Variants in RCAN2 observed in about 807,000 individuals in gnomAD.
The protein encoded by RCAN2 is regulator of calcineurin 2.
RCAN2 carries 9 observed loss-of-function variants against 23.6 expected under a neutral mutation model. That is an observed-to-expected ratio of 0.38 (90% CI 0.23 to 0.67). The LOEUF (loss-of-function observed/expected upper bound fraction) is 0.67, where lower values mean the gene tolerates loss of function less well. RCAN2 is among the 30% of genes least tolerant of loss of function. The pLI is 0.51. For synonymous variants in RCAN2, 109 were observed against 115.7 expected (o/e 0.94, Z 0.37); for missense variants, 273 against 302.3 (o/e 0.90, Z 0.72).
chr6:46,447,953 C>T (rs1237979828), intron 2 of RCAN2, among the ~76,000 whole-genome samples: 1 of 151,328 alleles, frequency 6.6e-6, no homozygotes, highest in Non-Finnish European at 1.5e-5. Flanking sequence ...AAAGAACAAA[C>T]TAAGCCCAAA....
chr6:46,448,186 T>C (rs770281022), intron 2 of RCAN2, among the ~76,000 whole-genome samples: 11 of 151,732 alleles, frequency 7.2e-5, no homozygotes, highest in Non-Finnish European at 1.2e-4. Context: ...CAAAAGATCA[T>C]AGGAAATTAC....
chr6:46,469,437 G>C (rs369262798), intron 1 of RCAN2, among the ~76,000 whole-genome samples: 3 of 152,198 alleles, frequency 2.0e-5, no homozygotes, highest in Non-Finnish European at 4.4e-5. Flanking sequence ...GCTAGGGCTC[G>C]TGGAGGATGG....
chr6:46,276,040 T>C (rs1250181740), intron 2 of RCAN2, among the ~76,000 whole-genome samples: 1 of 152,100 alleles, frequency 6.6e-6, no homozygotes, highest in Non-Finnish European at 1.5e-5. Flanking sequence ...ACCCCATCTC[T>C]ACTAAAACTA....
intron 2 of RCAN2, among the ~76,000 whole-genome samples, chr6:46,403,979 T>G (rs1406078019): frequency 1.3e-5 from 2 of 152,056 alleles, no homozygotes; most frequent in Non-Finnish European, 2.9e-5. Flanking sequence ...CCCAACACTT[T>G]GGGAGGTCGA....
intron 1 of RCAN2, among the ~76,000 whole-genome samples, chr6:46,468,287 C>A (rs1352564028): frequency 6.6e-6 from 1 of 152,144 alleles, no homozygotes; most frequent in Non-Finnish European, 1.5e-5. Flanking sequence ...TGTTCTAAAC[C>A]TTTTAGTTTT....
chr6:46,391,093 C>CT (rs1187849741), intron 2 of RCAN2, among the ~76,000 whole-genome samples: 2 of 152,194 alleles, frequency 1.3e-5, no homozygotes, highest in Non-Finnish European at 2.9e-5. Context: ...CTCAGCTCCA[C>CT]TTTCTTTAAC....
At chr6:46,294,347 C>T (rs1762653358) in intron 2 of RCAN2, among the ~76,000 whole-genome samples, 1 of 152,084 alleles carries the variant, frequency 6.6e-6, no homozygotes, top group Non-Finnish European at 1.5e-5. Context: ...GACATCCAAT[C>T]TCATGCATTA....
chr6:46,325,541 G>A (rs1179255127), intron 2 of RCAN2: 3 of 1,603,502 alleles, frequency 1.9e-6, no homozygotes, highest in East Asian at 2.2e-5. Context: ...GAAGGGAAGA[G>A]CTTCCAGATG....
At chr6:46,347,831 T>C (rs1013898955) in intron 2 of RCAN2, among the ~76,000 whole-genome samples, 16 of 152,220 alleles carry the variant, frequency 1.1e-4, no homozygotes, top group African/African-American at 3.4e-4. Flanking sequence ...AGCTTAAAGA[T>C]TATTCTCACA....
At chr6:46,409,214 A>T (rs775079025) in intron 2 of RCAN2, among the ~76,000 whole-genome samples, 7 of 152,210 alleles carry the variant, frequency 4.6e-5, no homozygotes, top group Non-Finnish European at 7.3e-5. Context: ...AGTTCCATAG[A>T]TACACTTTCT....
At chr6:46,462,282 TC>T (rs376197384) in intron 1 of RCAN2, among the ~76,000 whole-genome samples, 227 of 152,100 alleles carry the variant, frequency 1.5e-3, no homozygotes, top group African/African-American at 5.3e-3. Flanking sequence ...AACAACCTTT[TC>T]CCCCCAGAAA....
chr6:46,452,393 C>A (rs534067095), intron 2 of RCAN2, among the ~76,000 whole-genome samples: 1 of 152,182 alleles, frequency 6.6e-6, no homozygotes, highest in East Asian at 1.9e-4. Flanking sequence ...GTTTGTTTTT[C>A]TTGTTGCATT....
At chr6:46,300,688 A>G (rs1338547530) in intron 2 of RCAN2, among the ~76,000 whole-genome samples, 1 of 152,072 alleles carries the variant, frequency 6.6e-6, no homozygotes, top group Non-Finnish European at 1.5e-5. Context: ...TAGAATAATA[A>G]GTGAGTAGAA....
chr6:46,240,991 G>A (rs1766286293), intron 4 of RCAN2, among the ~76,000 whole-genome samples: 2 of 151,986 alleles, frequency 1.3e-5, no homozygotes, highest in African/African-American at 4.8e-5. Flanking sequence ...AAAATAGCAG[G>A]AGGAAAAAAA....
intron 2 of RCAN2, among the ~76,000 whole-genome samples, chr6:46,278,111 C>A (rs892086511): frequency 6.6e-6 from 1 of 152,110 alleles, no homozygotes; most frequent in Non-Finnish European, 1.5e-5. Context: ...TCTATCCATT[C>A]CCTCTTCTTT....
At chr6:46,412,062 C>T (rs185444050) in intron 2 of RCAN2, among the ~76,000 whole-genome samples, 9 of 152,124 alleles carry the variant, frequency 5.9e-5, no homozygotes, top group South Asian at 2.1e-4. Context: ...GAGATTACTA[C>T]GGAAAAGAGA....
intron 4 of RCAN2, among the ~76,000 whole-genome samples, chr6:46,246,193 A>G (rs1766505673): frequency 6.6e-6 from 1 of 152,234 alleles, no homozygotes; most frequent in Non-Finnish European, 1.5e-5. Flanking sequence ...CTGCGTGAGA[A>G]TGAGTGAATC....
intron 2 of RCAN2, among the ~76,000 whole-genome samples, chr6:46,381,564 A>G (rs886128437): frequency 6.6e-6 from 1 of 152,166 alleles, no homozygotes; most frequent in African/African-American, 2.4e-5. Flanking sequence ...CAGTAATCCT[A>G]CTAGGCGTTC....
intron 4 of RCAN2, among the ~76,000 whole-genome samples, chr6:46,230,366 C>T (rs955383823): frequency 1.3e-5 from 2 of 152,196 alleles, no homozygotes; most frequent in African/African-American, 2.4e-5. Context: ...TATGCCCTAC[C>T]CCCAGAGGTG....
Sources: gnomAD v4.1 joint callset for allele counts (sites outside exome capture counted in the v4.1 genomes callset) on GRCh38, gnomAD v4.1.1 for gene constraint, MANE v1.5 for transcripts, NCBI Gene and HGNC (gene_info 2026-07-23, HGNC 2026-07-21) for gene names.